The following PLCB1 variants were observed in gnomAD, a reference collection of about 807,000 sequenced individuals.
The protein encoded by PLCB1 is phospholipase C beta 1, also known as 1-phosphatidylinositol 4,5-bisphosphate phosphodiesterase beta-1.
PLCB1 carries 46 observed loss-of-function variants against 161.8 expected under a neutral mutation model. That is an observed-to-expected ratio of 0.28 (90% CI 0.22 to 0.36). The LOEUF (loss-of-function observed/expected upper bound fraction) is 0.36, where lower values mean the gene tolerates loss of function less well. PLCB1 is among the 10% of genes least tolerant of loss of function. PLCB1 has a pLI of 1.00. For missense variants in PLCB1, 1,016 were observed against 1,472.5 expected (o/e 0.69, Z 5.07); for synonymous variants, 517 against 503.7 (o/e 1.03, Z -0.35).
At chr20:8,262,540 A>C (rs1461931497) in intron 2 of PLCB1, among the ~76,000 whole-genome samples, 1 of 152,198 alleles carries the variant, frequency 6.6e-6, no homozygotes, top group Non-Finnish European at 1.5e-5. Flanking sequence ...GCTCAGCAGA[A>C]TTTAGAATTG....
intron 3 of PLCB1, among the ~76,000 whole-genome samples, chr20:8,423,701 AAATC>A (rs1311826420): frequency 6.6e-6 from 1 of 152,206 alleles, no homozygotes; most frequent in Non-Finnish European, 1.5e-5. Context: ...TCAGGATAAT[AAATC>A]AAGTAAGATT....
chr20:8,158,172 T>G (rs1213649261), intron 2 of PLCB1, among the ~76,000 whole-genome samples: 1 of 152,268 alleles, frequency 6.6e-6, no homozygotes, highest in Non-Finnish European at 1.5e-5. Flanking sequence ...TTCATAATTT[T>G]ACTTCCTGTT....
intron 2 of PLCB1, among the ~76,000 whole-genome samples, chr20:8,241,135 A>C (rs1348061013): frequency 6.6e-6 from 1 of 152,028 alleles, no homozygotes; most frequent in Non-Finnish European, 1.5e-5. Context: ...GAAATTTATC[A>C]ACAGAATCAT....
intron 3 of PLCB1, among the ~76,000 whole-genome samples, chr20:8,536,724 T>C (rs1436207223): frequency 6.6e-6 from 1 of 152,112 alleles, no homozygotes; most frequent in Admixed American, 6.6e-5. Context: ...CCAGTCCTCT[T>C]AACAACTAGA....
At chr20:8,573,610 T>C (rs538948036) in intron 3 of PLCB1, among the ~76,000 whole-genome samples, 1 of 152,212 alleles carries the variant, frequency 6.6e-6, no homozygotes, top group Non-Finnish European at 1.5e-5. Context: ...TAATTCAAAG[T>C]GTGAGACTCT....
intron 31 of PLCB1, among the ~76,000 whole-genome samples, chr20:8,822,334 T>A (rs1320255659): frequency 2.6e-5 from 4 of 152,202 alleles, no homozygotes; most frequent in Non-Finnish European, 5.9e-5. Flanking sequence ...ATTTAGTATG[T>A]GTCAGGCACT....
intron 2 of PLCB1, among the ~76,000 whole-genome samples, chr20:8,198,390 G>A (rs1166686440): frequency 1.3e-5 from 2 of 152,052 alleles, no homozygotes; most frequent in African/African-American, 4.8e-5. Flanking sequence ...CTTGTAAGTT[G>A]GATTCCTAGC....
chr20:8,448,723 A>T lies in PLCB1; in HGVS notation c.246+77273A>T, dbSNP rs1458002163. ...CTACTGAATACTTTTTATAAGGGACATTTTTAGCTTTGGAACTGCATTTCT... is the reference window on the plus strand; with the variant it reads ...CTACTGAATACTTTTTATAAGGGACTTTTTTAGCTTTGGAACTGCATTTCT... On this transcript the variant is annotated intron_variant, in intron 3 of 31. Coordinates refer to ENST00000338037, the MANE Select transcript of PLCB1 (RefSeq NM_015192.4). Among the ~76,000 whole-genome samples, 3 of 152,176 alleles carry T rather than the reference A, an allele frequency of 2.0e-5. 1 individual carries two copies. The highest frequency in any genetic ancestry group is 4.4e-5 in the Non-Finnish European group (3 of 68,036).
chr20:8,760,524 G>T, intron 25 of PLCB1, 64 bp downstream of exon 25: 1 of 1,128,356 alleles, frequency 8.9e-7, no homozygotes, highest in Non-Finnish European at 1.3e-6. Flanking sequence ...GAAGTATTTA[G>T]AGGAGAGGAA....
At chr20:8,657,320 C>A in intron 8 of PLCB1, 36 bp downstream of exon 8, 1 of 1,247,926 alleles carries the variant, frequency 8.0e-7, no homozygotes, top group Non-Finnish European at 1.2e-6. Context: ...TCTTTTTCAG[C>A]TTGCATTGAT....
chr20:8,871,508 A>G (rs1300295938), intron 31 of PLCB1, among the ~76,000 whole-genome samples: 1 of 152,188 alleles, frequency 6.6e-6, no homozygotes, highest in Non-Finnish European at 1.5e-5. Flanking sequence ...CAGCATCCAC[A>G]GTCCATCTTG....
At chr20:8,402,280 T>C (rs945937332) in intron 3 of PLCB1, among the ~76,000 whole-genome samples, 2 of 152,210 alleles carry the variant, frequency 1.3e-5, no homozygotes, top group Admixed American at 1.3e-4. Context: ...TAACACTTTA[T>C]GTCTTTAGCA....
At chr20:8,689,626 A>G (rs1990429347) in intron 10 of PLCB1, among the ~76,000 whole-genome samples, 1 of 152,194 alleles carries the variant, frequency 6.6e-6, no homozygotes, top group Non-Finnish European at 1.5e-5. Flanking sequence ...AGTATTAAGA[A>G]AATTTTCAAT....
intron 2 of PLCB1, among the ~76,000 whole-genome samples, chr20:8,362,669 C>T (rs1986581043): frequency 6.6e-6 from 1 of 152,216 alleles, no homozygotes; most frequent in Admixed American, 6.5e-5. Context: ...ACCAAACTAT[C>T]TCACCTGGCA....
chr20:8,752,525 G>A lies in PLCB1; in HGVS notation c.2524-4521G>A, dbSNP rs930001063. Among the ~76,000 whole-genome samples, 18 of 152,112 alleles carry A rather than the reference G, an allele frequency of 1.2e-4. 1 individual carries two copies. The highest frequency in any genetic ancestry group is 5.2e-4 in the Admixed American group (8 of 15,264). The stretch of plus-strand genomic sequence containing the variant: ...TGTGTACCTATGGGCTGGGCAGGGT[G>A]GCTCATGCCTGTAATCCAGCACTTT... On this transcript the variant is annotated intron_variant, in intron 23 of 31. Coordinates refer to ENST00000338037, the MANE Select transcript of PLCB1 (RefSeq NM_015192.4).
At chr20:8,506,476 T>C (rs189790880) in intron 3 of PLCB1, among the ~76,000 whole-genome samples, 1 of 152,256 alleles carries the variant, frequency 6.6e-6, no homozygotes, top group East Asian at 1.9e-4. Context: ...AAAGAACTAT[T>C]CCATAGATAT....
intron 4 of PLCB1, among the ~76,000 whole-genome samples, chr20:8,644,658 G>A (rs1989096651): frequency 6.6e-6 from 1 of 151,996 alleles, no homozygotes; most frequent in African/African-American, 2.4e-5. Flanking sequence ...TGTCTGGGAA[G>A]TGAGGAGCGT....
rs139318611 is a variant in PLCB1 at position 8,450,743 on chromosome 20, A to G, written c.246+79293A>G. Among the ~76,000 whole-genome samples the G allele has an allele frequency of 5.8e-3, 885 of 152,310 alleles. 13 individuals are homozygous for G. The highest frequency in any genetic ancestry group is 0.02 in the African/African-American group (835 of 41,558). ...TTGTAGATTTTATTTGGGTGGTTCT[A>G]CCATCCTCCATTTATTACATATGAC... On this transcript the variant is annotated intron_variant, in intron 3 of 31. Transcript: ENST00000338037.
At chr20:8,609,103 C>T (rs1358967522) in intron 3 of PLCB1, among the ~76,000 whole-genome samples, 1 of 152,142 alleles carries the variant, frequency 6.6e-6, no homozygotes, top group African/African-American at 2.4e-5. Flanking sequence ...TTAATTTCCT[C>T]CAACTTTTCA....
Sources: gnomAD v4.1 joint callset for allele counts (sites outside exome capture counted in the v4.1 genomes callset) on GRCh38, gnomAD v4.1.1 for gene constraint, MANE v1.5 for transcripts, NCBI Gene and HGNC (gene_info 2026-07-23, HGNC 2026-07-21) for gene names.